The following GOT2 variants were observed in gnomAD, a reference collection of about 807,000 sequenced individuals.
GOT2 encodes the protein glutamic-oxaloacetic transaminase 2.
GOT2 carries 17 observed loss-of-function variants against 50.0 expected under a neutral mutation model. The observed-to-expected ratio is 0.34, with a 90% CI of 0.23 to 0.51. GOT2 has a LOEUF of 0.51. GOT2 is among the 20% of genes least tolerant of loss of function. The pLI is 0.97. For synonymous variants in GOT2, 172 were observed against 204.9 expected, an observed-to-expected ratio of 0.84 and a Z score of 1.37; for missense variants, 430 against 559.6, an observed-to-expected ratio of 0.77 and a Z score of 2.34.
intron 1 of GOT2, among the ~76,000 whole-genome samples, chr16:58,724,215 C>T (rs997428323): frequency 6.6e-5 from 10 of 151,798 alleles, no homozygotes; most frequent in Admixed American, 4.6e-4. Flanking sequence ...GGCCATATTA[C>T]TCTTATATAT....
chr16:58,718,064 G>A lies in GOT2; in HGVS notation c.702+132C>T, dbSNP rs974165683. 4.1e-6 allele frequency: 3 copies of A among 737,782 alleles called. No homozygotes were observed. In the African/African-American group the frequency reaches 5.2e-5, roughly 13 times the overall value. The allele number at this position is 737,782 out of a possible 1,614,324, so 45.7% of individuals were successfully genotyped here. A position where few individuals can be genotyped will look rare whatever the true frequency, so the allele number is the denominator to read the frequency against. On this transcript the variant is annotated intron_variant, in intron 6 of 9. Transcript: ENST00000245206. ...CACGCAAATGGGGAGCCCTTTTCTG[G>A]CAGCTTATCCACCTGTGTGGACATT... is the stretch of plus-strand genomic sequence containing the variant.
chr16:58,724,902 C>T (rs9933525), intron 1 of GOT2, among the ~76,000 whole-genome samples: 4,712 of 152,202 alleles, frequency 0.031, 230 homozygotes, highest in African/African-American at 0.11. Flanking sequence ...TTCTGTTCCA[C>T]GATTCCATCT....
At chr16:58,722,371 G>A (rs2044747781) in intron 2 of GOT2, 93 bp from the exon 3 acceptor site, 5 of 1,323,342 alleles carry the variant, frequency 3.8e-6, no homozygotes, top group Non-Finnish European at 5.3e-6. Flanking sequence ...AGTTTTGGAG[G>A]TAAAGTCTTT....
chr16:58,716,557 T>C, intron 7 of GOT2, 106 bp downstream of exon 7: 1 of 818,702 alleles, frequency 1.2e-6, no homozygotes, highest in African/African-American at 2.4e-5. Context: ...TGGACATGGA[T>C]GGACACACAC....
At chr16:58,732,835 C>T (rs1333985297) in intron 1 of GOT2, among the ~76,000 whole-genome samples, 1 of 152,216 alleles carries the variant, frequency 6.6e-6, no homozygotes. Flanking sequence ...TTTAAGCACT[C>T]CTTTGGTTTT....
chr16:58,730,658 C>A (rs1326144739), intron 1 of GOT2, among the ~76,000 whole-genome samples: 1 of 152,176 alleles, frequency 6.6e-6, no homozygotes, highest in Non-Finnish European at 1.5e-5. Context: ...AGCCACGGCA[C>A]CTGGCCTAGA....
At chr16:58,720,856 G>C (rs1467392471) in intron 3 of GOT2, among the ~76,000 whole-genome samples, 1 of 152,130 alleles carries the variant, frequency 6.6e-6, no homozygotes, top group Non-Finnish European at 1.5e-5. Context: ...AAAGTGCTGG[G>C]ATTACAGGAG....
chr16:58,716,344 A>G, intron 7 of GOT2, 165 bp from the exon 8 acceptor site: 4 of 681,284 alleles, frequency 5.9e-6, no homozygotes, highest in South Asian at 5.8e-5. Flanking sequence ...ACTGAGGCAC[A>G]AGGAAGTTTT....
Position 58,716,007 on chromosome 16 carries a change from C to T in GOT2, c.1019+7G>A. ...GTAGGTGGCTGGGGAGTGGCATAAA[C>T]CTTTACCATTGTTTTCGCAAATCTG... On this transcript the variant is annotated splice_region_variant and intron_variant, in intron 8 of 9. Transcript: ENST00000245206. 6.2e-7 allele frequency: 1 copy of T among 1,606,724 alleles called. No individual in the cohort carries two copies. The highest frequency in any genetic ancestry group is 8.5e-7 in the Non-Finnish European group (1 of 1,177,528).
chr16:58,723,899 G>C lies in GOT2; in HGVS notation c.93C>G (p.Ser31=), dbSNP rs761453668. The stretch of plus-strand genomic sequence containing the variant: ...GTCCCATTTCCACATGGGTCCACCA[G>C]GAGCTGAAATGAGAAACACATTAGC... ...LAAAASARAS[S]WWTHVEMGPP... The change falls in exon 2 of 10, where the codon TCC becomes TCG. Residue 31 remains serine (S), a synonymous_variant. Coordinates refer to ENST00000245206, the MANE Select transcript of GOT2 (RefSeq NM_002080.4). The C allele has an allele frequency of 1.9e-6, 3 of 1,612,940 alleles. No individual in the cohort carries two copies. In the Admixed American group the frequency reaches 5.0e-5, roughly 27 times the overall value.
chr16:58,714,722 A>C (rs938043689), intron 8 of GOT2, among the ~76,000 whole-genome samples: 1 of 152,086 alleles, frequency 6.6e-6, no homozygotes, highest in Non-Finnish European at 1.5e-5. Flanking sequence ...AAAAACAAAA[A>C]ACAAAACAAA....
chr16:58,732,372 T>A (rs1182714138), intron 1 of GOT2, among the ~76,000 whole-genome samples: 2 of 152,150 alleles, frequency 1.3e-5, no homozygotes, highest in Non-Finnish European at 2.9e-5. Flanking sequence ...CTGTGTAAGA[T>A]TAGTCGAGAG....
chr16:58,728,220 T>C (rs764186617), intron 1 of GOT2, among the ~76,000 whole-genome samples: 4 of 152,216 alleles, frequency 2.6e-5, no homozygotes, highest in Non-Finnish European at 4.4e-5. Context: ...TTTCTTTTAA[T>C]AGTTTGCCTT....
chr16:58,718,763 A>G, intron 4 of GOT2, 75 bp from the exon 5 acceptor site: 1 of 1,261,806 alleles, frequency 7.9e-7, no homozygotes, highest in South Asian at 1.5e-5. Context: ...TTTTATTGAG[A>G]GAACATTTTT....
In GOT2 at chr16:58,716,163, G is replaced by A; in HGVS notation, c.870C>T (p.Ala290=). 1.2e-6 allele frequency: 2 copies of A among 1,613,702 alleles called. No homozygotes were observed. The highest frequency in any genetic ancestry group is 1.7e-6 in the Non-Finnish European group (2 of 1,179,892). ...CCGCATCTTTGCAGACCATAGTGAA[G>A]GCTCCTACACGCTCACCTGAAAGAC... is the stretch of plus-strand genomic sequence containing the variant. ...NMGLYGERVG[A]FTMVCKDADE... is the part of the protein sequence containing the mutation. The change falls in exon 8 of 10, where the codon GCC becomes GCT. Residue 290 remains alanine, a synonymous_variant. Coordinates refer to ENST00000245206, the MANE Select transcript of GOT2 (RefSeq NM_002080.4).
chr16:58,720,197 C>T (rs1243979526), intron 3 of GOT2, among the ~76,000 whole-genome samples: 1 of 152,152 alleles, frequency 6.6e-6, no homozygotes, highest in Non-Finnish European at 1.5e-5. Context: ...AGCGAAATTC[C>T]ATCTCTAAAT....
chr16:58,716,095 C>T lies in GOT2; in HGVS notation c.938G>A (p.Arg313His), dbSNP rs78927010. ...RVESQLKILI[R>H]PMYSNPPLNG... ...GAGGGGAGGGTTGGAATACATGGGA[C>T]GGATCAAGATCTTCAACTGTGACTC... Residue 313 changes from arginine (R) to histidine (H), a missense_variant, in exon 8 of 10, where the codon CGT becomes CAT. By Grantham distance (29) the Arg-to-His change is conservative. Coordinates refer to ENST00000245206, the MANE Select transcript of GOT2 (RefSeq NM_002080.4). The T allele has an allele frequency of 1.8e-5, 29 of 1,613,636 alleles. No homozygotes were observed. Among genetic ancestry groups the T allele is most frequent in the Non-Finnish European group, 2.4e-5 (28 of 1,179,628 alleles).
chr16:58,732,671 T>C (rs922372411), intron 1 of GOT2, among the ~76,000 whole-genome samples: 1 of 152,096 alleles, frequency 6.6e-6, no homozygotes, highest in East Asian at 1.9e-4. Flanking sequence ...AAAAGAAAAA[T>C]GAGTCAGACT....
Position 58,723,878 on chromosome 16 carries a change from C to T in GOT2, c.114G>A (p.Met38Ile). The T allele has an allele frequency of 6.2e-7, 1 of 1,613,748 alleles. No individual in the cohort carries two copies. The highest frequency in any genetic ancestry group is 8.5e-7 in the Non-Finnish European group (1 of 1,179,730). The change falls in exon 2 of 10, where the codon ATG becomes ATA. Residue 38 changes from methionine to isoleucine, a missense_variant. By Grantham distance (10) the Met-to-Ile change is conservative. Transcript: ENST00000245206. Reference sequence around the variant, plus strand: ...CTCCCAGAATGGGATCTGGAGGTCCCATTTCCACATGGGTCCACCAGGAGC... The same window carrying T: ...CTCCCAGAATGGGATCTGGAGGTCCTATTTCCACATGGGTCCACCAGGAGC... ...RASSWWTHVE[M>I]GPPDPILGVT...
Sources: gnomAD v4.1 joint callset for allele counts (sites outside exome capture counted in the v4.1 genomes callset) on GRCh38, gnomAD v4.1.1 for gene constraint, MANE v1.5 for transcripts, NCBI Gene and HGNC (gene_info 2026-07-23, HGNC 2026-07-21) for gene names.